Variants in CFAP54 observed in about 807,000 individuals in gnomAD.
CFAP54 encodes the protein cilia- and flagella-associated protein 54.
CFAP54 carries 290 observed loss-of-function variants against 370.4 expected under a neutral mutation model. The observed-to-expected ratio is 0.78, with a 90% CI of 0.71 to 0.86. The LOEUF is 0.86. CFAP54 is among the 40% of genes least tolerant of loss of function. CFAP54 has a pLI of 0.00. For missense variants in CFAP54, 3,399 were observed against 3,528.7 expected (o/e 0.96, Z 0.93); for synonymous variants, 1,206 against 1,236.5 (o/e 0.98, Z 0.52).
At chr12:96,689,303 G>A (rs1957363919) in intron 43 of CFAP54, among the ~76,000 whole-genome samples, 1 of 152,104 alleles carries the variant, frequency 6.6e-6, no homozygotes, top group African/African-American at 2.4e-5. Flanking sequence ...TGGGACTACA[G>A]GCGCGCACCA....
Position 96,613,574 on chromosome 12 carries a change from C to G in CFAP54, c.3640-8016C>G, listed in dbSNP as rs559290051. On this transcript the variant is annotated intron_variant, in intron 26 of 67. Coordinates refer to ENST00000524981, the MANE Select transcript of CFAP54 (RefSeq NM_001306084.2). ...AAAAACCTTCAAAAAATCAATGAAT[C>G]CAGGAGCTGGTTTTTTGAAAAGACC... Among the ~76,000 whole-genome samples, 6 of 152,152 alleles carry G rather than the reference C, an allele frequency of 3.9e-5. No individual in the cohort carries two copies. In the South Asian group the frequency reaches 1.2e-3, roughly 32 times the overall value.
intron 66 of CFAP54, among the ~76,000 whole-genome samples, chr12:96,832,996 A>G (rs1959175455): frequency 6.6e-6 from 1 of 152,204 alleles, no homozygotes; most frequent in Non-Finnish European, 1.5e-5. Context: ...TCCTTACTGA[A>G]CACACCTATT....
At position 96,824,660 on chromosome 12, in the gene CFAP54, C is replaced by G. The variant is rs80017447; in HGVS notation, c.9097-4354C>G. Among the ~76,000 whole-genome samples the G allele has an allele frequency of 2.9e-3, 445 of 152,222 alleles. 2 individuals carry two copies. Among genetic ancestry groups the G allele is most frequent in the African/African-American group, 0.01 (428 of 41,544 alleles). On this transcript the variant is annotated intron_variant, in intron 65 of 67. Coordinates refer to ENST00000524981, the MANE Select transcript of CFAP54 (RefSeq NM_001306084.2). ...TGTACCCTGACTAGTGCTGGGTAGT[C>G]TGCCTGTCCTCCATCATTTTTAGAC...
intron 14 of CFAP54, among the ~76,000 whole-genome samples, chr12:96,545,902 A>G (rs774406422): frequency 8.5e-5 from 13 of 152,208 alleles, no homozygotes; most frequent in Non-Finnish European, 1.9e-4. Context: ...CTGGGAGGGC[A>G]TGGAAGCGCC....
chr12:96,810,787 A>G (rs1447566509), intron 63 of CFAP54, among the ~76,000 whole-genome samples: 1 of 152,188 alleles, frequency 6.6e-6, no homozygotes, highest in Non-Finnish European at 1.5e-5. Flanking sequence ...TCAGAAGAAT[A>G]GACAAAAACT....
intron 26 of CFAP54, among the ~76,000 whole-genome samples, chr12:96,617,568 C>T (rs543859561): frequency 6.6e-6 from 1 of 152,198 alleles, no homozygotes; most frequent in African/African-American, 2.4e-5. Context: ...CATGGTGACA[C>T]CATTGAAAGC....
In CFAP54 at chr12:96,610,043, A is replaced by G. The variant is rs986273755; in HGVS notation, c.3639+11276A>G. 7.2e-5 allele frequency among the ~76,000 whole-genome samples: 11 copies of G among 152,378 alleles called. No individual in the cohort carries two copies. The East Asian group carries it at 7.7e-4, about 11-fold the overall frequency. ...AACCTGATTAATTTAAAAGTTCTCA[A>G]TAGATATTAAAGTTTGCCATAAGGC... On this transcript the variant is annotated intron_variant, in intron 26 of 67. Coordinates refer to ENST00000524981, the MANE Select transcript of CFAP54 (RefSeq NM_001306084.2).
chr12:96,870,229 C>G (rs143932986), intron 67 of CFAP54, among the ~76,000 whole-genome samples: 40 of 151,886 alleles, frequency 2.6e-4, no homozygotes, highest in African/African-American at 8.5e-4. Flanking sequence ...CCACCGCACT[C>G]CAGCCTGGCG....
At chr12:96,593,350 C>T (rs1956145566) in intron 24 of CFAP54, among the ~76,000 whole-genome samples, 1 of 151,648 alleles carries the variant, frequency 6.6e-6, no homozygotes, top group Admixed American at 6.6e-5. Context: ...ATGTTTTTTA[C>T]AGTTGCTATT....
chr12:96,643,122 T>C (rs1032147645), intron 32 of CFAP54, among the ~76,000 whole-genome samples: 4 of 152,188 alleles, frequency 2.6e-5, no homozygotes, highest in Admixed American at 1.3e-4. Context: ...ATTATATTTT[T>C]AACTTTCAGG....
chr12:96,767,474 T>G (rs1958412520), intron 60 of CFAP54, among the ~76,000 whole-genome samples: 1 of 152,202 alleles, frequency 6.6e-6, no homozygotes, highest in African/African-American at 2.4e-5. Context: ...TTTTTTCAGT[T>G]TCCATTTTAT....
chr12:96,851,634 A>G (rs1959549648), intron 66 of CFAP54, among the ~76,000 whole-genome samples: 1 of 152,078 alleles, frequency 6.6e-6, no homozygotes, highest in African/African-American at 2.4e-5. Flanking sequence ...TCTTTCTTCT[A>G]GGAATAATAA....
chr12:96,685,074 A>G lies in CFAP54; in HGVS notation c.5850A>G (p.Arg1950=). The G allele has an allele frequency of 6.2e-7, 1 of 1,614,138 alleles. No homozygotes were observed. The highest frequency in any genetic ancestry group is 8.5e-7 in the Non-Finnish European group (1 of 1,180,012). Residue 1950 remains arginine, a synonymous_variant, in exon 42 of 68, where the codon AGA becomes AGG. Transcript: ENST00000524981. ...GTCAAGCTCTTGATGACATATTCAG[A>G]AAACCAGACGTGCTACACACGTGGA... The part of the protein sequence containing the change: ...CWCQALDDIF[R]KPDVLHTWKE...
chr12:96,587,188 CAGTT>C (rs1196152146), intron 22 of CFAP54, among the ~76,000 whole-genome samples: 1 of 151,770 alleles, frequency 6.6e-6, no homozygotes, highest in Non-Finnish European at 1.5e-5. Flanking sequence ...GTTGAGTAGT[CAGTT>C]AGATGTATGA....
intron 12 of CFAP54, 63 bp from the exon 13 acceptor site, chr12:96,538,321 G>A: frequency 7.4e-7 from 1 of 1,353,734 alleles, no homozygotes; most frequent in South Asian, 1.3e-5. Flanking sequence ...TCAGCACACA[G>A]TAAATGTTAT....
rs907673715 is a variant in CFAP54 at position 96,647,734 on chromosome 12, TTGATTAAGTGACAAAACCCTTCA to T, written c.4548-135_4548-113del. 6 of 681,926 alleles carry T rather than the reference TTGATTAAGTGACAAAACCCTTCA, an allele frequency of 8.8e-6. No individual in the cohort carries two copies. The African/African-American group carries it at 1.1e-4, about 13-fold the overall frequency. 42.2% of individuals were successfully genotyped at this position (681,926 alleles called of 1,614,324 possible). A position where few individuals can be genotyped will look rare whatever the true frequency, so the allele number is the denominator to read the frequency against. On this transcript the variant is annotated intron_variant, in intron 33 of 67. Transcript: ENST00000524981. ...AAAGTTAGTGAAAAAATGTTGGGCT[TTGATTAAGTGACAAAACCCTTCA>T]TGATTTAAAATTTGGGAGTACTCAC...
chr12:96,597,358 A>G (rs187608948), intron 25 of CFAP54, among the ~76,000 whole-genome samples: 121 of 152,060 alleles, frequency 8.0e-4, no homozygotes, highest in African/African-American at 2.7e-3. Flanking sequence ...TTTAGAATGT[A>G]TACTGTGTTC....
At chr12:96,871,790 T>C (rs571102362) in intron 67 of CFAP54, among the ~76,000 whole-genome samples, 47 of 152,188 alleles carry the variant, frequency 3.1e-4, no homozygotes, top group African/African-American at 1.1e-3. Flanking sequence ...CTTAGCAAAT[T>C]AGGTGCTACA....
intron 17 of CFAP54, among the ~76,000 whole-genome samples, chr12:96,563,954 A>G (rs1955839617): frequency 6.6e-6 from 1 of 152,192 alleles, no homozygotes; most frequent in East Asian, 1.9e-4. Context: ...AGTATCAACA[A>G]CTGGCAAGTT....
Sources: gnomAD v4.1 joint callset for allele counts (sites outside exome capture counted in the v4.1 genomes callset) on GRCh38, gnomAD v4.1.1 for gene constraint, MANE v1.5 for transcripts, NCBI Gene and HGNC (gene_info 2026-07-23, HGNC 2026-07-21) for gene names.